The following DNAH9 variants were observed in gnomAD, a reference collection of about 807,000 sequenced individuals.
DNAH9 encodes the protein DNAH9 variant protein.
In DNAH9, 345 loss-of-function variants were observed where a neutral mutation model predicts 471.6. That is an observed-to-expected ratio of 0.73 (90% CI 0.67 to 0.80). The LOEUF (loss-of-function observed/expected upper bound fraction) is 0.80, where lower values mean the gene tolerates loss of function less well. DNAH9 is among the 30% of genes least tolerant of loss of function. The pLI, the probability that DNAH9 is intolerant of heterozygous loss-of-function variation, is 0.00. For synonymous variants in DNAH9, 2,093 were observed against 2,123.6 expected, an observed-to-expected ratio of 0.99 and a Z score of 0.40; for missense variants, 5,407 against 5,609.2, an observed-to-expected ratio of 0.96 and a Z score of 1.15.
chr17:11,816,608 A>T (rs925898990), intron 45 of DNAH9, among the ~76,000 whole-genome samples: 4 of 152,170 alleles, frequency 2.6e-5, no homozygotes, highest in Non-Finnish European at 4.4e-5. Flanking sequence ...AAGTCCTCAC[A>T]CCAGTGTGAA....
chr17:11,865,247 T>C (rs2150980986), intron 50 of DNAH9, among the ~76,000 whole-genome samples: 1 of 152,316 alleles, frequency 6.6e-6, no homozygotes, highest in East Asian at 1.9e-4. Context: ...TTTGCTTATC[T>C]GTAAAGTATT....
intron 49 of DNAH9, among the ~76,000 whole-genome samples, chr17:11,852,826 A>G (rs867460567): frequency 0.018 from 2,001 of 108,668 alleles, 94 homozygotes; most frequent in African/African-American, 0.062. Flanking sequence ...ATATATATAT[A>G]TATATATATA....
At position 11,941,807 on chromosome 17, in the gene DNAH9, A is replaced by G. The variant is rs539281984; in HGVS notation, c.12661-496A>G. On this transcript the variant is annotated intron_variant, in intron 66 of 68. Coordinates refer to ENST00000262442, the MANE Select transcript of DNAH9 (RefSeq NM_001372.4). ...GATGATAGATAGATAGATATTGTAT[A>G]TAACTGTATATTGATATACTGTATC... Among the ~76,000 whole-genome samples, 3 of 151,958 alleles carry G rather than the reference A, an allele frequency of 2.0e-5. No homozygotes were observed. The East Asian group carries it at 5.8e-4, about 29-fold the overall frequency.
intron 56 of DNAH9, among the ~76,000 whole-genome samples, chr17:11,886,573 A>G (rs1406552940): frequency 7.1e-6 from 1 of 141,624 alleles, no homozygotes; most frequent in Non-Finnish European, 1.5e-5. Context: ...GGAGGCTTTC[A>G]TGGCTCACGC....
In DNAH9 at chr17:11,605,476, T is replaced by TTTGTTG. The variant is rs768621859; in HGVS notation, c.418-2653_418-2652insTTGTTG. Among the ~76,000 whole-genome samples the TTTGTTG allele has an allele frequency of 7.3e-5, 11 of 151,136 alleles. 1 individual carries two copies. Among genetic ancestry groups the TTTGTTG allele is most frequent in the African/African-American group, 1.5e-4 (6 of 41,182 alleles). ...AATAAATGAATGAGTAGCTTTTTGG[T>TTTGTTG]CTGTTGTTGTTGTTGTTGTTGTTGT... is the stretch of plus-strand genomic sequence containing the variant. On this transcript the variant is annotated intron_variant, in intron 1 of 68. Transcript: ENST00000262442.
At chr17:11,930,159 G>A (rs1974460692) in intron 63 of DNAH9, 66 bp downstream of exon 63, 2 of 1,383,144 alleles carry the variant, frequency 1.4e-6, no homozygotes, top group East Asian at 2.4e-5. Flanking sequence ...AAACTGGTGG[G>A]GGGAGAGCAT....
At chr17:11,757,729 A>T (rs776948772) in intron 35 of DNAH9, 37 bp downstream of exon 35, 2 of 1,605,740 alleles carry the variant, frequency 1.2e-6, no homozygotes, top group Admixed American at 3.4e-5. Flanking sequence ...GAGTTAAAGC[A>T]GCAATAAAAA....
chr17:11,692,148 G>A (rs1031525442), intron 20 of DNAH9, among the ~76,000 whole-genome samples: 9 of 152,172 alleles, frequency 5.9e-5, no homozygotes, highest in Non-Finnish European at 1.5e-5. Context: ...GGATCACAGA[G>A]GGAAGGAATG....
chr17:11,699,659 G>C (rs1343678636), intron 22 of DNAH9, 72 bp from the exon 23 acceptor site: 5 of 1,347,616 alleles, frequency 3.7e-6, no homozygotes, highest in Non-Finnish European at 4.2e-6. Flanking sequence ...CACATGGTAG[G>C]CCTCTAAACA....
At position 11,842,597 on chromosome 17, in the gene DNAH9, G is replaced by A. The variant is rs563380076; in HGVS notation, c.9507+7699G>A. On this transcript the variant is annotated intron_variant, in intron 49 of 68. Transcript: ENST00000262442. ...TCAGTCTGTGGCCAAGGGCCTGAGA[G>A]CCCCTGGAAAACAACTGGTGTAAGT... 1.5e-3 allele frequency among the ~76,000 whole-genome samples: 228 copies of A among 152,190 alleles called. 3 individuals carry two copies. The highest frequency in any genetic ancestry group is 2.8e-3 in the Non-Finnish European group (188 of 68,040).
chr17:11,761,108 T>G (rs2150865338), intron 35 of DNAH9, among the ~76,000 whole-genome samples: 1 of 152,390 alleles, frequency 6.6e-6, no homozygotes, highest in Middle Eastern at 3.4e-3. Context: ...TGACTAGTTC[T>G]TCTCCTGACC....
chr17:11,939,179 G>A (rs774214445), intron 66 of DNAH9, among the ~76,000 whole-genome samples: 2 of 152,112 alleles, frequency 1.3e-5, no homozygotes, highest in Non-Finnish European at 1.5e-5. Context: ...AGCATACTTC[G>A]AGAAAGCTGC....
chr17:11,758,248 C>T (rs1192648120), intron 35 of DNAH9, among the ~76,000 whole-genome samples: 2 of 152,150 alleles, frequency 1.3e-5, no homozygotes, highest in African/African-American at 4.8e-5. Context: ...CAAGCCCTGA[C>T]CACTTATCAC....
rs1973465243 is a variant in DNAH9 at position 11,903,010 on chromosome 17, TATA to T, written c.11600+99_11600+101del. On this transcript the variant is annotated intron_variant, in intron 60 of 68. Transcript: ENST00000262442. ...GGGCTGAGCTCCAAAGCCATGTGTA[TATA>T]GTAGTTTCCTGGAGCTAGAGGGTGG... 4 of 1,331,350 alleles carry T rather than the reference TATA, an allele frequency of 3.0e-6. No homozygotes were observed. The East Asian group carries it at 9.3e-5, about 31-fold the overall frequency. 82.5% of individuals were successfully genotyped at this position (1,331,350 alleles called of 1,614,324 possible). A position where few individuals can be genotyped will look rare whatever the true frequency, so the allele number is the denominator to read the frequency against.
chr17:11,704,440 A>C lies in DNAH9; in HGVS notation c.5389A>C (p.Lys1797Gln). 6.2e-7 allele frequency: 1 copy of C among 1,612,622 alleles called. No homozygotes were observed. The highest frequency in any genetic ancestry group is 8.5e-7 in the Non-Finnish European group (1 of 1,179,896). Residue 1797 changes from lysine (K) to glutamine (Q), a missense_variant and splice_region_variant, in exon 25 of 69, where the codon AAG becomes CAG. Lys to Gln is a moderately conservative substitution (Grantham distance 53). Transcript: ENST00000262442. Reference protein sequence around the residue: ...RDVVAKMIAQKVDNAQAFLWL... With the variant: ...RDVVAKMIAQQVDNAQAFLWL... ...TGTGGTAGCCAAGATGATTGCTCAG[A>C]AGGTGGGTCCCAAACATCCAGGGAT...
chr17:11,603,158 C>A lies in DNAH9; in HGVS notation c.417+4243C>A, dbSNP rs115701624. On this transcript the variant is annotated intron_variant, in intron 1 of 68. Coordinates refer to ENST00000262442, the MANE Select transcript of DNAH9 (RefSeq NM_001372.4). ...AAATTAAAAGAGACCAGGGAAAAACCAATGGGCTCCTCTTTAAATACACGA... is the reference window on the plus strand; with the variant it reads ...AAATTAAAAGAGACCAGGGAAAAACAAATGGGCTCCTCTTTAAATACACGA... 6.8e-3 allele frequency among the ~76,000 whole-genome samples: 1,038 copies of A among 152,314 alleles called. 10 individuals carry two copies. The highest frequency in any genetic ancestry group is 0.024 in the African/African-American group (997 of 41,570).
chr17:11,794,517 T>C (rs553391401), intron 42 of DNAH9, among the ~76,000 whole-genome samples: 1 of 152,202 alleles, frequency 6.6e-6, no homozygotes, highest in Non-Finnish European at 1.5e-5. Context: ...TCCTGAGTCT[T>C]CTCTTCTCCA....
intron 61 of DNAH9, among the ~76,000 whole-genome samples, chr17:11,909,398 G>C (rs1209066232): frequency 6.6e-6 from 1 of 152,056 alleles, no homozygotes; most frequent in Non-Finnish European, 1.5e-5. Context: ...GACTAGTAAG[G>C]ACAGTCCCTA....
At chr17:11,885,863 A>G (rs1445331170) in intron 56 of DNAH9, among the ~76,000 whole-genome samples, 2 of 152,228 alleles carry the variant, frequency 1.3e-5, no homozygotes, top group South Asian at 2.1e-4. Context: ...AACATCTTCA[A>G]TAAGGATCAT....
Sources: gnomAD v4.1 joint callset for allele counts (sites outside exome capture counted in the v4.1 genomes callset) on GRCh38, gnomAD v4.1.1 for gene constraint, MANE v1.5 for transcripts, NCBI Gene and HGNC (gene_info 2026-07-23, HGNC 2026-07-21) for gene names.